EPB41: variants seen among roughly 807,000 people sequenced by gnomAD.
EPB41 encodes the protein protein 4.1.
A neutral mutation model predicts 108.0 loss-of-function variants in EPB41; 65 were observed. The ratio of observed to expected loss-of-function variants is 0.60; its 90% CI spans 0.49 to 0.74. EPB41 has a LOEUF of 0.74. Ranked by LOEUF, EPB41 falls within the 30% of genes least tolerant of loss-of-function variation. EPB41 has a pLI of 0.00. For missense variants in EPB41, 875 were observed against 1,037.0 expected, an observed-to-expected ratio of 0.84 and a Z score of 2.15; for synonymous variants, 336 against 358.9, an observed-to-expected ratio of 0.94 and a Z score of 0.72.
intron 16 of EPB41, chr1:29,097,558 C>T (rs1365066947): frequency 3.6e-5 from 19 of 527,288 alleles, no homozygotes; most frequent in African/African-American, 1.9e-5. Context: ...ACTGTCTGCT[C>T]TTACAGCTTT....
At chr1:29,061,309 G>A (rs1487715016) in intron 15 of EPB41, among the ~76,000 whole-genome samples, 2 of 151,598 alleles carry the variant, frequency 1.3e-5, no homozygotes, top group African/African-American at 4.8e-5. Flanking sequence ...TCGCTCTGTC[G>A]GCCAGGCTAG....
At position 29,063,226 on chromosome 1, in the gene EPB41, A is replaced by G. The variant is rs546043213; in HGVS notation, c.2008-1756A>G. Among the ~76,000 whole-genome samples, 7 of 152,314 alleles carry G rather than the reference A, an allele frequency of 4.6e-5. No individual in the cohort carries two copies. In the East Asian group the frequency reaches 7.7e-4, roughly 17 times the overall value. On this transcript the variant is annotated intron_variant, in intron 15 of 20. Transcript: ENST00000343067. ...GGCTTGTTCATGCTTTTCTTTAGCTACTAGACATGCTTTTCTTGCTTTCAG... is the reference window on the plus strand; with the variant it reads ...GGCTTGTTCATGCTTTTCTTTAGCTGCTAGACATGCTTTTCTTGCTTTCAG...
intron 4 of EPB41, among the ~76,000 whole-genome samples, chr1:28,998,578 T>C (rs2096235941): frequency 1.3e-5 from 2 of 152,224 alleles, no homozygotes; most frequent in Non-Finnish European, 2.9e-5. Flanking sequence ...ATCCTTTTCC[T>C]AAACAAAATC....
intron 7 of EPB41, among the ~76,000 whole-genome samples, chr1:29,028,322 A>G (rs961945661): frequency 3.3e-5 from 5 of 152,126 alleles, no homozygotes; most frequent in African/African-American, 1.2e-4. Context: ...AAGTGATCCA[A>G]ATTGTGTCTC....
At chr1:29,038,527 T>G (rs1360886030) in intron 10 of EPB41, among the ~76,000 whole-genome samples, 1 of 152,234 alleles carries the variant, frequency 6.6e-6, no homozygotes, top group African/African-American at 2.4e-5. Flanking sequence ...TTTGGTAGTA[T>G]TTGATGTAGT....
intron 1 of EPB41, among the ~76,000 whole-genome samples, chr1:28,908,888 C>T (rs950703216): frequency 6.6e-6 from 1 of 151,628 alleles, no homozygotes; most frequent in Admixed American, 6.6e-5. Context: ...TTAGGCTGAG[C>T]CTGGTGGCTC....
At chr1:29,096,600 T>G in intron 16 of EPB41, 1 of 985,422 alleles carries the variant, frequency 1.0e-6, no homozygotes. Flanking sequence ...ATTCGAAGTT[T>G]CCAGGTAGTA....
At chr1:28,904,681 T>C (rs2091620548) in intron 1 of EPB41, among the ~76,000 whole-genome samples, 1 of 151,628 alleles carries the variant, frequency 6.6e-6, no homozygotes, top group African/African-American at 2.4e-5. Context: ...GTGGATTACC[T>C]GAGGTCAGGA....
intron 1 of EPB41, among the ~76,000 whole-genome samples, chr1:28,909,231 G>A (rs1378600785): frequency 6.6e-6 from 1 of 150,734 alleles, no homozygotes; most frequent in Non-Finnish European, 1.5e-5. Context: ...TGAGACATAT[G>A]AAATTGTTCA....
At chr1:28,935,027 G>A (rs1165571803) in intron 1 of EPB41, among the ~76,000 whole-genome samples, 2 of 151,820 alleles carry the variant, frequency 1.3e-5, no homozygotes, top group East Asian at 1.9e-4. Context: ...AGGGAGGATC[G>A]CTGGAGCTTG....
intron 16 of EPB41, among the ~76,000 whole-genome samples, chr1:29,081,343 C>T (rs539614653): frequency 2.0e-5 from 3 of 152,090 alleles, no homozygotes; most frequent in South Asian, 2.1e-4. Flanking sequence ...TAGTTAATAA[C>T]TCTTCAGTAT....
At chr1:29,085,696 A>C (rs1434687604) in intron 16 of EPB41, among the ~76,000 whole-genome samples, 1 of 151,792 alleles carries the variant, frequency 6.6e-6, no homozygotes, top group African/African-American at 2.4e-5. Context: ...GAATATAGGC[A>C]TACACCACCA....
intron 1 of EPB41, among the ~76,000 whole-genome samples, chr1:28,946,874 T>C (rs2094505615): frequency 6.6e-6 from 1 of 152,226 alleles, no homozygotes; most frequent in South Asian, 2.1e-4. Flanking sequence ...TTAGCAAATA[T>C]GTCAGATGTT....
intron 3 of EPB41, 44 bp from the exon 4 acceptor site, chr1:28,997,171 G>A (rs1434534483): frequency 7.1e-7 from 1 of 1,412,518 alleles, no homozygotes; most frequent in Non-Finnish European, 1.0e-6. Flanking sequence ...AAAAATAAAA[G>A]AAGAAGAAAC....
chr1:28,898,212 C>T (rs1046182463), intron 1 of EPB41, among the ~76,000 whole-genome samples: 4 of 152,054 alleles, frequency 2.6e-5, no homozygotes, highest in Admixed American at 1.3e-4. Context: ...TCACTGGCTC[C>T]CCTCTCCTTC....
intron 2 of EPB41, among the ~76,000 whole-genome samples, chr1:28,990,231 CAAA>C (rs529982149): frequency 1.2e-5 from 1 of 85,698 alleles, no homozygotes; most frequent in Admixed American, 1.3e-4. Context: ...GATTCCATCT[CAAA>C]AAAAAAAAAA....
At chr1:29,030,958 G>A (rs944217983) in intron 8 of EPB41, among the ~76,000 whole-genome samples, 1 of 151,766 alleles carries the variant, frequency 6.6e-6, no homozygotes, top group Non-Finnish European at 1.5e-5. Flanking sequence ...GAGTAGCTGG[G>A]ACTACAGGCG....
At chr1:28,919,103 G>A (rs2148197857) in intron 1 of EPB41, among the ~76,000 whole-genome samples, 1 of 152,300 alleles carries the variant, frequency 6.6e-6, no homozygotes, top group Non-Finnish European at 1.5e-5. Flanking sequence ...TTTATATTGA[G>A]TGCTGATCTC....
intron 1 of EPB41, among the ~76,000 whole-genome samples, chr1:28,942,375 A>G (rs537824955): frequency 1.3e-3 from 195 of 152,356 alleles, no homozygotes; most frequent in Non-Finnish European, 2.1e-3. Flanking sequence ...AACTGGCTCC[A>G]AATTGGGGTT....
Sources: gnomAD v4.1 joint callset for allele counts (sites outside exome capture counted in the v4.1 genomes callset) on GRCh38, gnomAD v4.1.1 for gene constraint, MANE v1.5 for transcripts, NCBI Gene and HGNC (gene_info 2026-07-23, HGNC 2026-07-21) for gene names.